CFAP47: variants seen among roughly 807,000 people sequenced by gnomAD.
The protein encoded by CFAP47 is cilia and flagella associated protein 47.
CFAP47 carries 29 observed loss-of-function variants against 148.1 expected under a neutral mutation model. The observed-to-expected ratio is 0.20, with a 90% CI of 0.15 to 0.27. The LOEUF is 0.27. CFAP47 is among the 10% of genes least tolerant of loss of function. The pLI, the probability that CFAP47 is intolerant of heterozygous loss-of-function variation, is 1.00. For missense variants in CFAP47, 1,872 were observed against 1,697.5 expected, an observed-to-expected ratio of 1.10 and a Z score of -1.81; for synonymous variants, 664 against 577.3, an observed-to-expected ratio of 1.15 and a Z score of -2.15.
At chrX:36,047,296 A>G (rs1411110893) in intron 26 of CFAP47, among the ~76,000 whole-genome samples, 1 of 111,603 alleles carries the variant, frequency 9.0e-6, no homozygotes, top group East Asian at 2.8e-4. Context: ...GGCTTTGTTA[A>G]CATTACTTCT....
At chrX:36,286,839 A>G (rs1188582588) in intron 51 of CFAP47, among the ~76,000 whole-genome samples, 3 of 111,844 alleles carry the variant, frequency 2.7e-5, no homozygotes, top group African/African-American at 9.7e-5. Flanking sequence ...AGAGATGACA[A>G]AATATGCAAA....
intron 39 of CFAP47, among the ~76,000 whole-genome samples, chrX:36,179,016 A>T (rs1205893302): frequency 3.6e-5 from 4 of 112,336 alleles, no homozygotes; most frequent in African/African-American, 9.7e-5. Flanking sequence ...GGTGATGTGT[A>T]AGACCAGTGT....
At chrX:36,135,906 G>A (rs1183747769) in intron 33 of CFAP47, among the ~76,000 whole-genome samples, 2 of 111,464 alleles carry the variant, frequency 1.8e-5, no homozygotes, top group Non-Finnish European at 3.8e-5. Context: ...CTCACTGATG[G>A]TAATGAAAAA....
chrX:35,953,825 G>A, intron 7 of CFAP47, 106 bp downstream of exon 7: 2 of 571,697 alleles, frequency 3.5e-6, no homozygotes, highest in Non-Finnish European at 5.0e-6. Context: ...TATAATTATT[G>A]AATAGAAAAA....
intron 33 of CFAP47, among the ~76,000 whole-genome samples, chrX:36,116,937 T>C (rs1938651022): frequency 9.0e-6 from 1 of 111,685 alleles, no homozygotes; most frequent in South Asian, 3.8e-4. Context: ...ACTATCCTTA[T>C]ACTCTATAGT....
intron 57 of CFAP47, among the ~76,000 whole-genome samples, chrX:36,321,725 T>C (rs1941480812): frequency 8.9e-6 from 1 of 111,816 alleles, no homozygotes; most frequent in South Asian, 3.7e-4. Context: ...TATGAATAAA[T>C]ATACTTGATG....
At chrX:35,994,917 C>G (rs1936828974) in intron 18 of CFAP47, among the ~76,000 whole-genome samples, 1 of 111,445 alleles carries the variant, frequency 9.0e-6, no homozygotes, top group African/African-American at 3.3e-5. Context: ...AAAGAGCCTA[C>G]AATCTGGTGG....
intron 35 of CFAP47, among the ~76,000 whole-genome samples, chrX:36,139,737 G>A (rs756934110): frequency 4.5e-4 from 50 of 111,740 alleles, no homozygotes; most frequent in Non-Finnish European, 8.7e-4. Context: ...TTTTCATTCT[G>A]TGATCCAGAA....
intron 49 of CFAP47, among the ~76,000 whole-genome samples, chrX:36,262,699 T>C (rs62590740): frequency 0.13 from 14,006 of 111,943 alleles, 690 homozygotes; most frequent in East Asian, 0.26. Flanking sequence ...ATCTCTTTGA[T>C]ATATTGATTT....
At chrX:36,265,767 T>TA (rs1556000947) in intron 49 of CFAP47, among the ~76,000 whole-genome samples, 1 of 111,731 alleles carries the variant, frequency 9.0e-6, no homozygotes, top group Non-Finnish European at 1.9e-5. Flanking sequence ...TTTTGGGGGG[T>TA]AAAAAGATAC....
intron 42 of CFAP47, among the ~76,000 whole-genome samples, chrX:36,194,093 C>A (rs1242789029): frequency 9.0e-6 from 1 of 111,688 alleles, no homozygotes; most frequent in Non-Finnish European, 1.9e-5. Context: ...TAGAGAATGA[C>A]TATATCACAT....
At chrX:36,115,404 A>C (rs1243813719) in intron 33 of CFAP47, among the ~76,000 whole-genome samples, 1 of 112,248 alleles carries the variant, frequency 8.9e-6, no homozygotes, top group East Asian at 2.8e-4. Flanking sequence ...ATCTGTAGAG[A>C]GTTTTTATTT....
chrX:35,963,242 T>C (rs1384577967), intron 8 of CFAP47, among the ~76,000 whole-genome samples: 1 of 109,500 alleles, frequency 9.1e-6, no homozygotes, highest in African/African-American at 3.3e-5. Context: ...GTTCTGAGAG[T>C]CTATTGTACA....
intron 32 of CFAP47, among the ~76,000 whole-genome samples, 165 bp from the exon 33 acceptor site, chrX:36,104,334 T>G (rs1938430697): frequency 8.9e-6 from 1 of 112,262 alleles, no homozygotes; most frequent in South Asian, 3.7e-4. Context: ...TGAGCATTAT[T>G]GGGACACATC....
intron 33 of CFAP47, among the ~76,000 whole-genome samples, chrX:36,120,176 T>G (rs1234858599): frequency 9.3e-6 from 1 of 107,789 alleles, no homozygotes; most frequent in Admixed American, 1.0e-4. Flanking sequence ...TAATTTTTTT[T>G]TTTTTGTATT....
chrX:36,348,086 T>C, intron 57 of CFAP47, 43 bp from the exon 58 acceptor site: 1 of 784,450 alleles, frequency 1.3e-6, no homozygotes, highest in Non-Finnish European at 1.7e-6. Flanking sequence ...TTATAGTCTG[T>C]TAATATTTAC....
At chrX:36,004,571 G>A (rs944195934) in intron 21 of CFAP47, among the ~76,000 whole-genome samples, 2 of 109,763 alleles carry the variant, frequency 1.8e-5, no homozygotes, top group Non-Finnish European at 3.8e-5. Context: ...ATATTATTTG[G>A]CAGTATAAAG....
At chrX:36,378,633 G>A (rs370158202) in intron 62 of CFAP47, among the ~76,000 whole-genome samples, 17 of 110,757 alleles carry the variant, frequency 1.5e-4, no homozygotes, top group South Asian at 3.8e-4. Flanking sequence ...TCTGCCTCCC[G>A]GGTTCAAGCG....
chrX:36,366,889 C>A, intron 61 of CFAP47, 77 bp from the exon 62 acceptor site: 1 of 584,112 alleles, frequency 1.7e-6, no homozygotes, highest in Non-Finnish European at 2.4e-6. Flanking sequence ...ACATTTTTAC[C>A]TTAGTTTAGT....
Sources: gnomAD v4.1 joint callset for allele counts (sites outside exome capture counted in the v4.1 genomes callset) on GRCh38, gnomAD v4.1.1 for gene constraint, MANE v1.5 for transcripts, NCBI Gene and HGNC (gene_info 2026-07-23, HGNC 2026-07-21) for gene names.